Variants in MBP observed in about 807,000 individuals in gnomAD.
The protein encoded by MBP is myelin basic protein, also known as Golli-MBP.
Under a neutral mutation model 35.8 loss-of-function variants are expected in MBP, and 16 were observed. That is an observed-to-expected ratio of 0.45 (90% CI 0.30 to 0.68). MBP has a LOEUF of 0.68. Ranked by LOEUF, MBP falls within the 30% of genes least tolerant of loss-of-function variation. The pLI is 0.08. For synonymous variants in MBP, 143 were observed against 159.6 expected (o/e 0.90, Z 0.78); for missense variants, 380 against 404.7 (o/e 0.94, Z 0.52).
intron 2 of MBP, chr18:77,067,698 C>T (rs1461988765): frequency 2.4e-6 from 1 of 409,764 alleles, no homozygotes; most frequent in Non-Finnish European, 5.0e-6. Context: ...TCGGGTGCCA[C>T]TCCCTGCAGC....
chr18:77,118,692 C>T (rs1976788379), intron 1 of MBP, among the ~76,000 whole-genome samples: 1 of 148,084 alleles, frequency 6.8e-6, no homozygotes, highest in Non-Finnish European at 1.5e-5. Flanking sequence ...ACCACACACA[C>T]ACTCCACACA....
At chr18:77,068,964 C>T (rs1474608199) in intron 2 of MBP, 1 of 469,282 alleles carries the variant, frequency 2.1e-6, no homozygotes, top group Admixed American at 2.2e-5. Context: ...ACCTCGGGGA[C>T]TCTGACCTCA....
chr18:77,049,068 T>C (rs1445558469), intron 3 of MBP, among the ~76,000 whole-genome samples: 1 of 151,860 alleles, frequency 6.6e-6, no homozygotes. Flanking sequence ...TACAGGCACC[T>C]GCCACCACGC....
At position 76,978,959 on chromosome 18, in the gene MBP, G is replaced by A. The variant is rs1969037443; in HGVS notation, c.*1468C>T. On this transcript the variant is annotated 3_prime_UTR_variant, in exon 9 of 9. Transcript: ENST00000355994. ...GGATCGCAGAGCCGACCTCAGCTCA[G>A]CGACGCAGAGTGCTTCTGCTGAAAA... is the stretch of plus-strand genomic sequence containing the variant. 6.6e-6 allele frequency: 1 copy of A among 152,252 alleles called. No individual in the cohort carries two copies. The highest frequency in any genetic ancestry group is 6.5e-5 in the Admixed American group (1 of 15,288). 9.4% of individuals were successfully genotyped at this position (152,252 alleles called of 1,614,324 possible).
chr18:77,110,375 C>G (rs181671284), intron 1 of MBP: 1 of 152,276 alleles, frequency 6.6e-6, no homozygotes, highest in East Asian at 1.9e-4. Flanking sequence ...GCCCTGAACT[C>G]TTTGCTTTCA....
chr18:76,997,714 A>G (rs2974263), intron 4 of MBP, among the ~76,000 whole-genome samples: 114,769 of 149,496 alleles, frequency 0.77, 44,486 homozygotes, highest in Admixed American at 0.83. Context: ...ACGGAGTCTC[A>G]CTTTGTCCCC....
intron 3 of MBP, among the ~76,000 whole-genome samples, chr18:77,062,955 G>A (rs1331102514): frequency 6.6e-6 from 1 of 152,278 alleles, no homozygotes; most frequent in South Asian, 2.1e-4. Context: ...CTTCTGATGC[G>A]TGGATGAAAC....
At chr18:76,987,488 C>G (rs565187869) in intron 7 of MBP, 12 of 985,540 alleles carry the variant, frequency 1.2e-5, no homozygotes, top group African/African-American at 1.0e-4. Flanking sequence ...TCTCAAGTAC[C>G]CTGCCCCTTC....
At chr18:77,123,979 G>A (rs1976964531) in intron 1 of MBP, among the ~76,000 whole-genome samples, 1 of 152,194 alleles carries the variant, frequency 6.6e-6, no homozygotes, top group Non-Finnish European at 1.5e-5. Context: ...TCTGCGGGTG[G>A]AGCTGCCCTG....
chr18:77,084,428 A>C (rs868025520), intron 2 of MBP, among the ~76,000 whole-genome samples: 4 of 46,310 alleles, frequency 8.6e-5, no homozygotes, highest in East Asian at 5.1e-4. Context: ...CCGCCACACC[A>C]CACCACACAC....
In MBP at chr18:76,980,600, C is replaced by T. The variant is rs1825598440; in HGVS notation, c.871-129G>A. On this transcript the variant is annotated intron_variant, in intron 8 of 8. Coordinates refer to ENST00000355994, the MANE Select transcript of MBP (RefSeq NM_001025101.2). ...CTCTCTCATCTGCTAATAGAAATGG[C>T]ACCCCGGAGAGCTGGTCTTTTCATT... 3 of 707,186 alleles carry T rather than the reference C, an allele frequency of 4.2e-6. No individual in the cohort carries two copies. The African/African-American group carries it at 5.3e-5, about 12-fold the overall frequency. The allele number at this position is 707,186 out of a possible 1,614,324, so 43.8% of individuals were successfully genotyped here.
At chr18:77,098,046 C>T (rs1975836278) in intron 2 of MBP, among the ~76,000 whole-genome samples, 1 of 152,138 alleles carries the variant, frequency 6.6e-6, no homozygotes, top group African/African-American at 2.4e-5. Context: ...CTCTACAGCC[C>T]CAGGGAGTCC....
At chr18:77,012,612 A>C (rs1971416817) in intron 4 of MBP, among the ~76,000 whole-genome samples, 1 of 152,224 alleles carries the variant, frequency 6.6e-6, no homozygotes. Context: ...TAGTAAAAGC[A>C]GATGAGTGAG....
At chr18:77,034,852 GC>G (rs1972691575) in intron 3 of MBP, among the ~76,000 whole-genome samples, 1 of 152,130 alleles carries the variant, frequency 6.6e-6, no homozygotes, top group Non-Finnish European at 1.5e-5. Context: ...TTGCTCCAGG[GC>G]CCCCGTGCAC....
In MBP at chr18:76,988,856, CA is replaced by C. The variant is rs1433359298; in HGVS notation, c.717+20del. On this transcript the variant is annotated intron_variant, in intron 6 of 8. Coordinates refer to ENST00000355994, the MANE Select transcript of MBP (RefSeq NM_001025101.2). This position sits in a 1 kb window ranked among gnomAD's most constrained non-coding sequence, Gnocchi z 5.2. ...GTCTATCAGAAAAGTGATGATCAAT[CA>C]AAACATTCCAAGGTCTTACCTTTCC... 3.7e-6 allele frequency: 6 copies of C among 1,608,346 alleles called. No individual in the cohort carries two copies. Among genetic ancestry groups the C allele is most frequent in the Non-Finnish European group, 5.1e-6 (6 of 1,176,530 alleles).
intron 4 of MBP, among the ~76,000 whole-genome samples, chr18:77,002,016 T>C (rs1162434243): frequency 1.3e-5 from 2 of 152,236 alleles, no homozygotes. Context: ...GTACATTTTG[T>C]TTCCCCATTT....
At position 77,030,478 on chromosome 18, in the gene MBP, G is replaced by A. The variant is rs1489940669; in HGVS notation, c.140-13210C>T. 3.9e-5 allele frequency among the ~76,000 whole-genome samples: 6 copies of A among 152,176 alleles called. No individual in the cohort carries two copies. In the East Asian group the frequency reaches 1.2e-3, roughly 29 times the overall value. Reference sequence around the variant, plus strand: ...ATGGCAGAATTCATTGGAGCAGGACGGCCCTGTGGTACCGGTACATGGAAC... The same window carrying A: ...ATGGCAGAATTCATTGGAGCAGGACAGCCCTGTGGTACCGGTACATGGAAC... On this transcript the variant is annotated intron_variant, in intron 3 of 8. Coordinates refer to ENST00000355994, the MANE Select transcript of MBP (RefSeq NM_001025101.2).
At chr18:77,087,273 G>A (rs1975281111) in intron 2 of MBP, 2 of 152,256 alleles carry the variant, frequency 1.3e-5, no homozygotes, top group African/African-American at 4.8e-5. Context: ...AGGAACACGC[G>A]ACCTTCGCAC....
rs1265176309 is a variant in MBP at position 77,048,735 on chromosome 18, A to AT, written c.139+17562dup. ...CACCTTGGCCTCCCAAAGTGTTGGG[A>AT]TTACAGGCGTGAGCCACCATGCCCA... On this transcript the variant is annotated intron_variant, in intron 3 of 8. Coordinates refer to ENST00000355994, the MANE Select transcript of MBP (RefSeq NM_001025101.2). 3.9e-5 allele frequency among the ~76,000 whole-genome samples: 6 copies of AT among 152,274 alleles called. No individual in the cohort carries two copies. The East Asian group carries it at 1.2e-3, about 30-fold the overall frequency.
Sources: allele counts gnomAD v4.1 joint callset (sites outside exome capture counted in the v4.1 genomes callset), GRCh38; gene constraint gnomAD v4.1.1; non-coding constraint Gnocchi (gnomAD v3.1); transcripts MANE v1.5; gene names NCBI Gene and HGNC (gene_info 2026-07-23, HGNC 2026-07-21).